SLC17A1: variants seen among roughly 807,000 people sequenced by gnomAD.
The protein encoded by SLC17A1 is sodium-dependent phosphate transport protein 1.
Under a neutral mutation model 53.5 loss-of-function variants are expected in SLC17A1, and 51 were observed. The observed-to-expected ratio is 0.95, with a 90% CI of 0.76 to 1.20. The LOEUF is 1.20. SLC17A1 is among the 50% of genes most tolerant of loss of function. The pLI, the probability that SLC17A1 is intolerant of heterozygous loss-of-function variation, is 0.00. For missense variants in SLC17A1, 538 were observed against 568.2 expected (o/e 0.95, Z 0.54); for synonymous variants, 179 against 198.8 (o/e 0.90, Z 0.84).
rs372680185 is a variant in SLC17A1 at position 25,807,103 on chromosome 6, A to G, written c.1178+4295T>C. On this transcript the variant is annotated intron_variant, in intron 10 of 12. Transcript: ENST00000244527. ...GGGAATGTAAATTACTACAACTTCTATGGAAAACAGTATGGAGATTTCCAA... is the reference window on the plus strand; with the variant it reads ...GGGAATGTAAATTACTACAACTTCTGTGGAAAACAGTATGGAGATTTCCAA... Among the ~76,000 whole-genome samples, 12 of 152,286 alleles carry G rather than the reference A, an allele frequency of 7.9e-5. No homozygotes were observed. In the East Asian group the frequency reaches 1.9e-3, roughly 24 times the overall value.
chr6:25,760,602 T>C, the SLC17A1 span, among the ~76,000 whole-genome samples: 1 of 152,172 alleles, frequency 6.6e-6, no homozygotes, highest in Non-Finnish European at 1.5e-5. Context: ...GAAGTCCTAT[T>C]CAACATACAT....
the SLC17A1 span, among the ~76,000 whole-genome samples, chr6:25,745,925 G>A: frequency 6.6e-6 from 1 of 152,146 alleles, no homozygotes; most frequent in Non-Finnish European, 1.5e-5. Context: ...ATCCTGATAG[G>A]CTTTGTAGAA....
intron 8 of SLC17A1, 102 bp downstream of exon 8, chr6:25,812,729 G>T: frequency 2.6e-6 from 2 of 777,648 alleles, no homozygotes; most frequent in Non-Finnish European, 2.1e-6. Context: ...TAGCCAGATA[G>T]TGTGAGGAGC....
the SLC17A1 span, among the ~76,000 whole-genome samples, chr6:25,741,037 G>C: frequency 6.7e-6 from 1 of 148,988 alleles, no homozygotes; most frequent in Non-Finnish European, 1.5e-5. Flanking sequence ...AGGTGGTAGG[G>C]AATGAAGTAA....
the SLC17A1 span, among the ~76,000 whole-genome samples, chr6:25,749,841 T>C: frequency 1.3e-5 from 2 of 152,230 alleles, no homozygotes; most frequent in African/African-American, 4.8e-5. Flanking sequence ...CATAAGTTTC[T>C]CCATATATTC....
the SLC17A1 span, among the ~76,000 whole-genome samples, chr6:25,740,686 A>G: frequency 6.6e-6 from 1 of 152,228 alleles, no homozygotes; most frequent in Non-Finnish European, 1.5e-5. Flanking sequence ...ATGAATCTCA[A>G]TTCTAACACA....
chr6:25,756,372 A>G, the SLC17A1 span, among the ~76,000 whole-genome samples: 1 of 152,116 alleles, frequency 6.6e-6, no homozygotes, highest in Non-Finnish European at 1.5e-5. Flanking sequence ...TAACCATTTC[A>G]CACAACCACA....
At chr6:25,793,967 G>A (rs1763554806) in intron 12 of SLC17A1, among the ~76,000 whole-genome samples, 1 of 152,162 alleles carries the variant, frequency 6.6e-6, no homozygotes, top group South Asian at 2.1e-4. Context: ...AGTCATTTGC[G>A]ACTGGAGGTC....
In SLC17A1 at chr6:25,819,074, T is replaced by G; in HGVS notation, c.610A>C (p.Ile204Leu). 1 of 1,593,980 alleles carries G rather than the reference T, an allele frequency of 6.3e-7. No homozygotes were observed. The highest frequency in any genetic ancestry group is 8.5e-7 in the Non-Finnish European group (1 of 1,173,762). Residue 204 changes from isoleucine to leucine, a missense_variant, in exon 6 of 13, where the codon ATT becomes CTT. Coordinates refer to ENST00000244527, the MANE Select transcript of SLC17A1 (RefSeq NM_005074.5). ...TTTACAGAAAGAGACTCACCAAAAA[T>G]ATAGAAGACCATGGGCCAGCCCAGA... is the stretch of plus-strand genomic sequence containing the variant. Reference protein sequence around the residue: ...ESLGWPMVFYIFGACGCAVCL... With the variant: ...ESLGWPMVFYLFGACGCAVCL...
chr6:25,816,975 G>A (rs1764380758), intron 6 of SLC17A1, among the ~76,000 whole-genome samples: 1 of 151,850 alleles, frequency 6.6e-6, no homozygotes, highest in Non-Finnish European at 1.5e-5. Context: ...AGCCTTCCGA[G>A]TAGCTGGGAT....
chr6:25,736,254 T>A, the SLC17A1 span, among the ~76,000 whole-genome samples: 1 of 152,126 alleles, frequency 6.6e-6, no homozygotes, highest in African/African-American at 2.4e-5. Flanking sequence ...CCTCCTTAAT[T>A]TATCTCAATA....
intron 6 of SLC17A1, among the ~76,000 whole-genome samples, chr6:25,815,350 T>C (rs190732810): frequency 5.7e-4 from 86 of 151,614 alleles, no homozygotes; most frequent in Non-Finnish European, 9.9e-4. Flanking sequence ...ACCACAGATA[T>C]AGGAAGCCCA....
At chr6:25,768,295 A>T in the SLC17A1 span, 1 of 856,130 alleles carries the variant, frequency 1.2e-6, no homozygotes, top group Non-Finnish European at 1.4e-6. Context: ...TGGCATCTTC[A>T]TACCTTGTGA....
chr6:25,826,317 T>C, intron 3 of SLC17A1, 144 bp downstream of exon 3: 1 of 523,062 alleles, frequency 1.9e-6, no homozygotes, highest in South Asian at 5.5e-5. Context: ...GGACATTTTA[T>C]TTAGGTCACT....
At chr6:25,750,739 G>A in the SLC17A1 span, among the ~76,000 whole-genome samples, 3 of 151,966 alleles carry the variant, frequency 2.0e-5, no homozygotes, top group Non-Finnish European at 4.4e-5. Context: ...TACCAACCTG[G>A]ATAAAGGAGA....
chr6:25,777,309 T>A, the SLC17A1 span: 1 of 216,198 alleles, frequency 4.6e-6, no homozygotes, highest in Non-Finnish European at 9.1e-6. Flanking sequence ...AAATCTTTAA[T>A]GAAGGCAAAG....
the SLC17A1 span, among the ~76,000 whole-genome samples, chr6:25,761,176 T>G: frequency 1.3e-5 from 2 of 152,194 alleles, no homozygotes; most frequent in African/African-American, 4.8e-5. Context: ...GATATGAACT[T>G]TCACAATTTT....
intron 12 of SLC17A1, among the ~76,000 whole-genome samples, chr6:25,795,828 G>C (rs1043138405): frequency 1.3e-5 from 2 of 152,122 alleles, no homozygotes; most frequent in African/African-American, 4.8e-5. Flanking sequence ...GAATGGGAAG[G>C]ATTCATAAGT....
the SLC17A1 span, among the ~76,000 whole-genome samples, chr6:25,741,229 A>G: frequency 6.6e-6 from 1 of 152,186 alleles, no homozygotes; most frequent in African/African-American, 2.4e-5. Flanking sequence ...ACCCTGATTT[A>G]ATGATTACAC....
Sources: allele counts gnomAD v4.1 joint callset (sites outside exome capture counted in the v4.1 genomes callset), GRCh38; gene constraint gnomAD v4.1.1; transcripts MANE v1.5; gene names NCBI Gene and HGNC (gene_info 2026-07-23, HGNC 2026-07-21).